Variants in ELAPOR1 observed in about 807,000 individuals in gnomAD.
The protein encoded by ELAPOR1 is endosome-lysosome associated apoptosis and autophagy regulator 1, also known as endosome/lysosome-associated apoptosis and autophagy regulator 1.
ELAPOR1 carries 77 observed loss-of-function variants against 119.7 expected under a neutral mutation model. The observed-to-expected ratio is 0.64, with a 90% CI of 0.54 to 0.78. The LOEUF (loss-of-function observed/expected upper bound fraction) is 0.78. ELAPOR1 is among the 30% of genes least tolerant of loss of function. The pLI is 0.00. For synonymous variants in ELAPOR1, 481 were observed against 487.2 expected (o/e 0.99, Z 0.17); for missense variants, 1,115 against 1,270.4 (o/e 0.88, Z 1.86).
chr1:109,129,604 A>T (rs947777819), intron 1 of ELAPOR1, among the ~76,000 whole-genome samples: 1 of 152,244 alleles, frequency 6.6e-6, no homozygotes, highest in African/African-American at 2.4e-5. Flanking sequence ...AGTGGTTGCC[A>T]GCAGTTACAG....
intron 1 of ELAPOR1, among the ~76,000 whole-genome samples, chr1:109,157,139 A>G (rs967909077): frequency 6.6e-6 from 1 of 152,154 alleles, no homozygotes; most frequent in African/African-American, 2.4e-5. Flanking sequence ...TAGCAGCTTG[A>G]AAGCCAGTGC....
rs575021244 is a variant in ELAPOR1 at position 109,194,503 on chromosome 1, C to G, written c.2030C>G (p.Ala677Gly). 6.2e-7 allele frequency: 1 copy of G among 1,613,844 alleles called. No individual in the cohort carries two copies. The highest frequency in any genetic ancestry group is 1.1e-5 in the South Asian group (1 of 91,070). Residue 677 changes from alanine (A) to glycine (G), a missense_variant, in exon 15 of 22, where the codon GCA becomes GGA. Physicochemically the swap from Ala to Gly is moderately conservative, Grantham distance 60. Transcript: ENST00000369939. ...RTFNYNFSAL[A>G]NTVTLAGGPS... ...TTCAACTACAACTTCTCCGCTTTGGCAAACACTGTCACTCTTGCTGGAGGG... is the reference window on the plus strand; with the variant it reads ...TTCAACTACAACTTCTCCGCTTTGGGAAACACTGTCACTCTTGCTGGAGGG...
In ELAPOR1 at chr1:109,187,902, G is replaced by A. The variant is rs564879182; in HGVS notation, c.1042-275G>A. ...ATCGGAGCTTTCTCTAAGACAACTGGTCCCACATTCTCTGTCATAAAGTCT... is the reference window on the plus strand; with the variant it reads ...ATCGGAGCTTTCTCTAAGACAACTGATCCCACATTCTCTGTCATAAAGTCT... On this transcript the variant is annotated intron_variant, in intron 8 of 21. Coordinates refer to ENST00000369939, the MANE Select transcript of ELAPOR1 (RefSeq NM_020775.5). 1.8e-4 allele frequency: 208 copies of A among 1,154,164 alleles called. No individual in the cohort carries two copies. The African/African-American group carries it at 3.0e-3, about 17-fold the overall frequency. The allele number at this position is 1,154,164 out of a possible 1,614,324, so 71.5% of individuals were successfully genotyped here. A position where few individuals can be genotyped will look rare whatever the true frequency, so the allele number is the denominator to read the frequency against.
intron 1 of ELAPOR1, among the ~76,000 whole-genome samples, chr1:109,125,727 A>G (rs1648738564): frequency 6.6e-6 from 1 of 152,182 alleles, no homozygotes; most frequent in Non-Finnish European, 1.5e-5. Context: ...TACACAGTTT[A>G]GCACTTCCTA....
chr1:109,114,165 G>C lies in ELAPOR1; in HGVS notation c.-19G>C, dbSNP rs768746451. 2.9e-5 allele frequency: 44 copies of C among 1,535,322 alleles called. No individual in the cohort carries two copies. The highest frequency in any genetic ancestry group is 3.8e-5 in the Non-Finnish European group (43 of 1,138,808). ...CCGCAGCACCTGAGCCGCTACTGCC[G>C]CTCACTCAGGACAACGCTATGGCTG... On this transcript the variant is annotated 5_prime_UTR_variant, in exon 1 of 22. Transcript: ENST00000369939.
intron 11 of ELAPOR1, among the ~76,000 whole-genome samples, chr1:109,190,106 A>T (rs1234054961): frequency 6.6e-6 from 1 of 152,204 alleles, no homozygotes; most frequent in African/African-American, 2.4e-5. Context: ...GGGCAACACG[A>T]AATTTGTTTC....
chr1:109,189,015 G>T, intron 9 of ELAPOR1, 51 bp from the exon 10 acceptor site: 2 of 1,600,152 alleles, frequency 1.2e-6, no homozygotes, highest in Non-Finnish European at 1.7e-6. Flanking sequence ...TCCAGTCAGA[G>T]TGACTGCAGC....
chr1:109,187,314 C>T (rs114202167), intron 8 of ELAPOR1: 10,078 of 985,436 alleles, frequency 0.01, 47 homozygotes, highest in Middle Eastern at 0.011. Flanking sequence ...CTCTGGCTGT[C>T]GCAGCCCTCC....
At chr1:109,172,134 GA>G (rs1292725784) in intron 4 of ELAPOR1, 121 bp downstream of exon 4, 1 of 1,279,738 alleles carries the variant, frequency 7.8e-7, no homozygotes, top group African/African-American at 1.5e-5. Context: ...TTTCTCTCTG[GA>G]GAGAGCTGTG....
chr1:109,200,104 A>G lies in ELAPOR1; in HGVS notation c.2674A>G (p.Ile892Val), dbSNP rs1217192777. The G allele has an allele frequency of 6.2e-7, 1 of 1,614,200 alleles. No individual in the cohort carries two copies. The highest frequency in any genetic ancestry group is 8.5e-7 in the Non-Finnish European group (1 of 1,180,042). Residue 892 changes from isoleucine to valine, a missense_variant, in exon 20 of 22, where the codon ATT becomes GTT. By Grantham distance (29) the Ile-to-Val change is conservative. Transcript: ENST00000369939. The part of the protein sequence containing the change: ...WREPKLCSGG[I>V]SLPEQRVTIC... ...AGAACCCAAGCTATGCTCTGGTGGC[A>G]TTTCTCTGCCTGAGCAGAGAGTCAC...
rs376531623 is a variant in ELAPOR1, at chr1:109,114,382, T to C, written c.153+46T>C. Reference sequence around the variant, plus strand: ...GATCCCGCTTTGGTCACAAAAGTCTTGGATCCAGGCGGAGACCTTGGGGAC... The same window carrying C: ...GATCCCGCTTTGGTCACAAAAGTCTCGGATCCAGGCGGAGACCTTGGGGAC... On this transcript the variant is annotated intron_variant, in intron 1 of 21. Coordinates refer to ENST00000369939, the MANE Select transcript of ELAPOR1 (RefSeq NM_020775.5). 829 of 1,518,004 alleles carry C rather than the reference T, an allele frequency of 5.5e-4. 1 individual carries two copies. The highest frequency in any genetic ancestry group is 6.3e-4 in the Non-Finnish European group (708 of 1,129,440). The allele number at this position is 1,518,004 out of a possible 1,614,324, so 94.0% of individuals were successfully genotyped here.
rs961236865 is a variant in ELAPOR1 at position 109,202,332 on chromosome 1, C to T, written c.2974-612C>T. The stretch of plus-strand genomic sequence containing the variant: ...ACAGGGTTTCACCATGTTGGCCAGG[C>T]TGGTCTTGAACTCCTGACCTCAGGT... On this transcript the variant is annotated intron_variant, in intron 21 of 21. Transcript: ENST00000369939. 2.0e-5 allele frequency among the ~76,000 whole-genome samples: 3 copies of T among 151,832 alleles called. No individual in the cohort carries two copies. The East Asian group carries it at 5.8e-4, about 29-fold the overall frequency.
chr1:109,161,787 T>G, intron 1 of ELAPOR1, 107 bp from the exon 2 acceptor site: 2 of 1,391,980 alleles, frequency 1.4e-6, no homozygotes, highest in Non-Finnish European at 2.0e-6. Flanking sequence ...AGGGCCCATT[T>G]CTGAGAGGAT....
chr1:109,198,362 T>G (rs1653957134), intron 17 of ELAPOR1, among the ~76,000 whole-genome samples: 2 of 152,218 alleles, frequency 1.3e-5, no homozygotes, highest in African/African-American at 4.8e-5. Context: ...ATGACTTTCC[T>G]AAACCAGGGC....
chr1:109,138,381 A>G (rs551158599), intron 1 of ELAPOR1, among the ~76,000 whole-genome samples: 2 of 152,206 alleles, frequency 1.3e-5, no homozygotes, highest in East Asian at 3.9e-4. Context: ...CCATAGCCAC[A>G]CCAGTCACTG....
rs4970828 is a variant in ELAPOR1, at chr1:109,206,053, T to C, written c.*3041T>C. On this transcript the variant is annotated 3_prime_UTR_variant, in exon 22 of 22. Transcript: ENST00000369939. Reference sequence around the variant, plus strand: ...TTTTTTGAGACAGAGTCAGCTTTGTTGCCCAGGCTGGAGTGCAGTGCCATG... The same window carrying C: ...TTTTTTGAGACAGAGTCAGCTTTGTCGCCCAGGCTGGAGTGCAGTGCCATG... The C allele has an allele frequency of 0.87, 132,923 of 151,986 alleles. 58,468 individuals are homozygous for C. The highest frequency in any genetic ancestry group is 0.97 in the East Asian group (5,022 of 5,178). The allele number at this position is 151,986 out of a possible 1,614,324, so 9.4% of individuals were successfully genotyped here.
At chr1:109,173,351 A>C in intron 5 of ELAPOR1, 123 bp from the exon 6 acceptor site, 1 of 768,018 alleles carries the variant, frequency 1.3e-6, no homozygotes, top group Non-Finnish European at 2.2e-6. Context: ...AAGAGGAGGA[A>C]GAGGGTCAGA....
intron 2 of ELAPOR1, among the ~76,000 whole-genome samples, chr1:109,163,803 T>G (rs893725295): frequency 6.6e-6 from 1 of 152,166 alleles, no homozygotes; most frequent in Non-Finnish European, 1.5e-5. Flanking sequence ...GTCATGAGAA[T>G]TCCACCTAGC....
At chr1:109,161,476 C>G (rs1651254006) in intron 1 of ELAPOR1, 2 of 152,412 alleles carry the variant, frequency 1.3e-5, no homozygotes, top group African/African-American at 4.9e-5. Flanking sequence ...CTGTGAGGAG[C>G]CTTTGTAAAT....
Sources: gnomAD v4.1 joint callset for allele counts (sites outside exome capture counted in the v4.1 genomes callset) on GRCh38, gnomAD v4.1.1 for gene constraint, MANE v1.5 for transcripts, NCBI Gene and HGNC (gene_info 2026-07-23, HGNC 2026-07-21) for gene names.